Variants in PHKB observed in about 807,000 individuals in gnomAD.
PHKB encodes the protein phosphorylase kinase regulatory subunit beta.
In PHKB, 122 loss-of-function variants were observed where a neutral mutation model predicts 152.1. The observed-to-expected ratio is 0.80, with a 90% CI of 0.69 to 0.93. The LOEUF (loss-of-function observed/expected upper bound fraction) is 0.93. PHKB is among the 40% of genes least tolerant of loss of function. PHKB has a pLI of 0.00. For synonymous variants in PHKB, 436 were observed against 464.9 expected (o/e 0.94, Z 0.80); for missense variants, 1,304 against 1,328.4 (o/e 0.98, Z 0.29).
chr16:47,478,466 A>ATTTTTT (rs199656987), intron 1 of PHKB, among the ~76,000 whole-genome samples: 11 of 127,874 alleles, frequency 8.6e-5, no homozygotes, highest in East Asian at 2.2e-4. Context: ...TTGCTGTGAA[A>ATTTTTT]TTTTTTTTTT....
At chr16:47,543,837 A>C (rs933293879) in intron 6 of PHKB, among the ~76,000 whole-genome samples, 2 of 152,166 alleles carry the variant, frequency 1.3e-5, no homozygotes, top group Non-Finnish European at 2.9e-5. Flanking sequence ...CTGTGGGATC[A>C]GTGGTGATAT....
intron 26 of PHKB, among the ~76,000 whole-genome samples, chr16:47,683,810 A>C (rs1344906430): frequency 1.3e-5 from 2 of 152,180 alleles, no homozygotes; most frequent in Non-Finnish European, 2.9e-5. Flanking sequence ...AGATGAACCC[A>C]GTACCTCAGA....
intron 14 of PHKB, among the ~76,000 whole-genome samples, chr16:47,635,035 G>C (rs1429312085): frequency 6.6e-6 from 1 of 152,158 alleles, no homozygotes; most frequent in Non-Finnish European, 1.5e-5. Context: ...AAGTAGACCA[G>C]TTACTTAACC....
intron 14 of PHKB, among the ~76,000 whole-genome samples, chr16:47,631,758 T>C (rs1179701836): frequency 6.6e-6 from 1 of 152,240 alleles, no homozygotes; most frequent in Non-Finnish European, 1.5e-5. Flanking sequence ...GTTAGTTTGC[T>C]GAGAATGATG....
intron 6 of PHKB, among the ~76,000 whole-genome samples, chr16:47,542,676 T>G (rs1186487314): frequency 6.6e-6 from 1 of 152,176 alleles, no homozygotes; most frequent in African/African-American, 2.4e-5. Context: ...TTTATTTCAT[T>G]TAGCAGTGGT....
chr16:47,528,228 C>G (rs1029655885), intron 6 of PHKB, among the ~76,000 whole-genome samples: 1 of 152,166 alleles, frequency 6.6e-6, no homozygotes, highest in Non-Finnish European at 1.5e-5. Flanking sequence ...TTTGAAGGGT[C>G]AGACCTTATT....
At chr16:47,664,508 G>T in intron 24 of PHKB, 1 of 221,980 alleles carries the variant, frequency 4.5e-6, no homozygotes, top group Non-Finnish European at 9.0e-6. Flanking sequence ...AAAATAAGGG[G>T]ATTAAACAAA....
Position 47,699,956 on chromosome 16 carries a change from A to G in PHKB, c.*590A>G, listed in dbSNP as rs143720939. 2.1e-3 allele frequency: 333 copies of G among 160,448 alleles called. No individual in the cohort carries two copies. Among genetic ancestry groups the G allele is most frequent in the African/African-American group, 7.7e-3 (319 of 41,614 alleles). The allele number at this position is 160,448 out of a possible 1,614,324, so 9.9% of individuals were successfully genotyped here. Reference sequence around the variant, plus strand: ...ATGACTGTGGTTTTGTATTTGCTAAATATAGGGGTTGGACTAAAATATAAT... The same window carrying G: ...ATGACTGTGGTTTTGTATTTGCTAAGTATAGGGGTTGGACTAAAATATAAT... On this transcript the variant is annotated 3_prime_UTR_variant, in exon 31 of 31. Transcript: ENST00000323584.
chr16:47,669,564 T>TGG (rs1197898860), intron 26 of PHKB, 147 bp downstream of exon 26: 3 of 723,688 alleles, frequency 4.1e-6, no homozygotes, highest in Admixed American at 2.1e-5. Context: ...AGGCAATATC[T>TGG]GGGGGTATGA....
At chr16:47,628,904 G>C (rs925718817) in intron 14 of PHKB, among the ~76,000 whole-genome samples, 63 of 151,868 alleles carry the variant, frequency 4.1e-4, no homozygotes, top group Non-Finnish European at 6.8e-4. Context: ...ACAAACCTGA[G>C]AAAAACAAGC....
chr16:47,628,709 C>T (rs977329829), intron 14 of PHKB, among the ~76,000 whole-genome samples: 19 of 151,918 alleles, frequency 1.3e-4, no homozygotes, highest in African/African-American at 2.4e-5. Context: ...GAGCCCGCAT[C>T]GCCAAGTCTA....
At chr16:47,608,167 G>A (rs1478106481) in intron 13 of PHKB, among the ~76,000 whole-genome samples, 1 of 151,792 alleles carries the variant, frequency 6.6e-6, no homozygotes, top group East Asian at 1.9e-4. Flanking sequence ...GATCTTTTGA[G>A]GCACCAGAAA....
chr16:47,486,079 T>C (rs1970044976), intron 1 of PHKB, among the ~76,000 whole-genome samples: 1 of 152,204 alleles, frequency 6.6e-6, no homozygotes, highest in South Asian at 2.1e-4. Context: ...GTATTAGATA[T>C]TGTTCCTGTA....
intron 26 of PHKB, among the ~76,000 whole-genome samples, chr16:47,676,894 A>G (rs1007529529): frequency 1.3e-5 from 2 of 152,234 alleles, no homozygotes; most frequent in African/African-American, 2.4e-5. Flanking sequence ...TTACTTACAG[A>G]TAACCCCAGA....
intron 1 of PHKB, among the ~76,000 whole-genome samples, chr16:47,490,778 A>G (rs1970136129): frequency 6.6e-6 from 1 of 152,246 alleles, no homozygotes; most frequent in African/African-American, 2.4e-5. Flanking sequence ...AGGGCAGATC[A>G]GTGCCCCAAG....
At position 47,590,736 on chromosome 16, in the gene PHKB, A is replaced by G. The variant is rs141966582; in HGVS notation, c.1068+1634A>G. 6.6e-5 allele frequency: 10 copies of G among 151,028 alleles called. No individual in the cohort carries two copies. In the East Asian group the frequency reaches 1.5e-3, roughly 23 times the overall value. The allele number at this position is 151,028 out of a possible 1,614,324, so 9.4% of individuals were successfully genotyped here. On this transcript the variant is annotated intron_variant, in intron 10 of 30. Transcript: ENST00000323584. ...CCTTCTGCTGAGCACCACTAAGGAAAGCCACAGCACTGTGGGTAGGAGCTG... is the reference window on the plus strand; with the variant it reads ...CCTTCTGCTGAGCACCACTAAGGAAGGCCACAGCACTGTGGGTAGGAGCTG...
chr16:47,589,981 G>A (rs1350961825), intron 10 of PHKB, among the ~76,000 whole-genome samples: 1 of 152,046 alleles, frequency 6.6e-6, no homozygotes, highest in Non-Finnish European at 1.5e-5. Context: ...TAGTAGAGAT[G>A]GGGTTTCACC....
chr16:47,691,430 C>A (rs561235742), intron 27 of PHKB, among the ~76,000 whole-genome samples: 3 of 152,290 alleles, frequency 2.0e-5, no homozygotes, highest in Middle Eastern at 3.4e-3. Context: ...GAAGGCCAGG[C>A]ACGATGGCTC....
At chr16:47,640,086 C>T (rs1344909670) in intron 14 of PHKB, among the ~76,000 whole-genome samples, 1 of 152,196 alleles carries the variant, frequency 6.6e-6, no homozygotes. Flanking sequence ...GACGATGATT[C>T]TGGGAACCAT....
Sources: allele counts gnomAD v4.1 joint callset (sites outside exome capture counted in the v4.1 genomes callset), GRCh38; gene constraint gnomAD v4.1.1; transcripts MANE v1.5; gene names NCBI Gene and HGNC (gene_info 2026-07-23, HGNC 2026-07-21).